Variants in PTPRD observed in about 807,000 individuals in gnomAD.
PTPRD encodes protein tyrosine phosphatase receptor type D.
Under a neutral mutation model 214.5 loss-of-function variants are expected in PTPRD, and 34 were observed. That is an observed-to-expected ratio of 0.16 (90% CI 0.12 to 0.21). The LOEUF (loss-of-function observed/expected upper bound fraction) is 0.21, where lower values mean the gene tolerates loss of function less well. Among genes scored for constraint, PTPRD ranks in the 10% least tolerant of loss-of-function variants. The pLI, the probability that PTPRD is intolerant of heterozygous loss-of-function variation, is 1.00. For missense variants in PTPRD, 2,545 were observed against 2,398.7 expected, an observed-to-expected ratio of 1.06 and a Z score of -1.27; for synonymous variants, 1,128 against 845.7, an observed-to-expected ratio of 1.33 and a Z score of -5.79.
intron 36 of PTPRD, among the ~76,000 whole-genome samples, chr9:8,399,090 A>G (rs1247883519): frequency 2.7e-5 from 2 of 72,882 alleles, no homozygotes; most frequent in Non-Finnish European, 6.4e-5. Flanking sequence ...GAATAAGCCC[A>G]CTAAGCTTTT....
chr9:9,639,291 G>A (rs1025212887), intron 7 of PTPRD, among the ~76,000 whole-genome samples: 4 of 152,142 alleles, frequency 2.6e-5, no homozygotes, highest in Non-Finnish European at 5.9e-5. Flanking sequence ...ATCTAGTTTA[G>A]TGCCTACATT....
chr9:9,612,371 G>A (rs2094560305), intron 7 of PTPRD, among the ~76,000 whole-genome samples: 1 of 152,124 alleles, frequency 6.6e-6, no homozygotes. Flanking sequence ...TTGCTGCTGG[G>A]CATATTTCAA....
intron 9 of PTPRD, among the ~76,000 whole-genome samples, chr9:9,355,149 A>G (rs926411892): frequency 1.4e-4 from 21 of 151,892 alleles, no homozygotes; most frequent in African/African-American, 5.1e-4. Flanking sequence ...TATCACCACA[A>G]TCCAGGTAAT....
intron 9 of PTPRD, among the ~76,000 whole-genome samples, chr9:9,259,629 A>G (rs1341237436): frequency 6.6e-6 from 1 of 151,966 alleles, no homozygotes; most frequent in African/African-American, 2.4e-5. Flanking sequence ...CCCATGGGAA[A>G]GTATCACCTT....
At chr9:8,581,665 G>A (rs1280410762) in intron 14 of PTPRD, among the ~76,000 whole-genome samples, 4 of 151,884 alleles carry the variant, frequency 2.6e-5, no homozygotes, top group Non-Finnish European at 4.4e-5. Flanking sequence ...GGAGAATGGC[G>A]TGAACCCAGA....
At chr9:9,997,285 A>T (rs1204067694) in intron 4 of PTPRD, among the ~76,000 whole-genome samples, 2 of 143,344 alleles carry the variant, frequency 1.4e-5, no homozygotes, top group Admixed American at 6.9e-5. Context: ...AAGATAAGCA[A>T]TTTTTTTTTT....
intron 2 of PTPRD, among the ~76,000 whole-genome samples, chr9:10,601,652 A>C (rs536256088): frequency 1.3e-5 from 2 of 151,934 alleles, no homozygotes; most frequent in East Asian, 3.9e-4. Flanking sequence ...AAAGGAAATA[A>C]AATTATATTA....
chr9:9,132,476 A>G (rs1158982420), intron 10 of PTPRD, among the ~76,000 whole-genome samples: 1 of 152,196 alleles, frequency 6.6e-6, no homozygotes, highest in Non-Finnish European at 1.5e-5. Flanking sequence ...AGAGGAAATT[A>G]TTAAATATTA....
In PTPRD at chr9:9,167,948, G is replaced by A. The variant is rs545428410; in HGVS notation, c.-143+15356C>T. ...AGAAAGCTCCCTCTCACATGCCAAC[G>A]AAAACCTATCTTTCTGTGGGGTCCT... On this transcript the variant is annotated intron_variant, in intron 10 of 45. Transcript: ENST00000381196. Among the ~76,000 whole-genome samples, 121 of 152,202 alleles carry A rather than the reference G, an allele frequency of 7.9e-4. 2 individuals carry two copies. The highest frequency in any genetic ancestry group is 2.5e-3 in the South Asian group (12 of 4,818).
intron 14 of PTPRD, among the ~76,000 whole-genome samples, chr9:8,618,223 G>C (rs1303783189): frequency 6.6e-6 from 1 of 152,046 alleles, no homozygotes; most frequent in Non-Finnish European, 1.5e-5. Context: ...GCACGAGTTT[G>C]GGGCCATAGA....
rs530521650 is a variant in PTPRD, at chr9:9,371,790, C to T, written c.-203+25659G>A. On this transcript the variant is annotated intron_variant, in intron 9 of 45. Transcript: ENST00000381196. Reference sequence around the variant, plus strand: ...CCTCTACACACTGCTTTGAATGTGTCCCAGAGATTCTGGTATGTTGTGTCT... The same window carrying T: ...CCTCTACACACTGCTTTGAATGTGTTCCAGAGATTCTGGTATGTTGTGTCT... Among the ~76,000 whole-genome samples, 983 of 152,224 alleles carry T rather than the reference C, an allele frequency of 6.5e-3. 6 individuals are homozygous for T. The highest frequency in any genetic ancestry group is 0.023 in the African/African-American group (950 of 41,518).
chr9:9,768,571 A>C (rs531088586), intron 5 of PTPRD, among the ~76,000 whole-genome samples: 33 of 152,096 alleles, frequency 2.2e-4, no homozygotes, highest in African/African-American at 7.2e-4. Flanking sequence ...TAAAAATGGC[A>C]GTACTTTTTT....
chr9:10,140,719 A>T (rs1054476532), intron 3 of PTPRD, among the ~76,000 whole-genome samples: 7 of 152,178 alleles, frequency 4.6e-5, no homozygotes, highest in African/African-American at 1.7e-4. Flanking sequence ...ATCAATAGAA[A>T]AAAAAGGGAA....
intron 2 of PTPRD, among the ~76,000 whole-genome samples, chr9:10,358,812 CAT>C (rs1424989095): frequency 6.6e-6 from 1 of 151,970 alleles, no homozygotes. Flanking sequence ...CCACTAAAAT[CAT>C]ATATTTTGAG....
chr9:9,958,857 A>C (rs2154020106), intron 4 of PTPRD, among the ~76,000 whole-genome samples: 1 of 152,274 alleles, frequency 6.6e-6, no homozygotes, highest in South Asian at 2.1e-4. Flanking sequence ...GAAAACTAAA[A>C]ATACTGACAA....
rs1030749223 is a variant in PTPRD, at chr9:9,711,781, G to C, written c.-287+22752C>G. Among the ~76,000 whole-genome samples, 11 of 152,178 alleles carry C rather than the reference G, an allele frequency of 7.2e-5. No individual in the cohort carries two copies. The South Asian group carries it at 2.3e-3, about 32-fold the overall frequency. The stretch of plus-strand genomic sequence containing the variant: ...CATGACCTTAAATGTCAATAGTGCA[G>C]AGACCGAAAAACTCTGCCTTTCAAA... On this transcript the variant is annotated intron_variant, in intron 7 of 45. Coordinates refer to ENST00000381196, the MANE Select transcript of PTPRD (RefSeq NM_002839.4).
At chr9:9,606,777 G>C (rs534897053) in intron 7 of PTPRD, among the ~76,000 whole-genome samples, 1 of 151,640 alleles carries the variant, frequency 6.6e-6, no homozygotes, top group African/African-American at 2.4e-5. Flanking sequence ...GGTAGATAGA[G>C]GTGGACAAAT....
chr9:8,913,404 A>T (rs547472620), intron 11 of PTPRD, among the ~76,000 whole-genome samples: 1 of 152,110 alleles, frequency 6.6e-6, no homozygotes, highest in East Asian at 1.9e-4. Flanking sequence ...AAAGGTAAAA[A>T]CCTACATAAA....
chr9:10,400,249 T>G (rs1437923690), intron 2 of PTPRD, among the ~76,000 whole-genome samples: 1 of 151,808 alleles, frequency 6.6e-6, no homozygotes, highest in African/African-American at 2.4e-5. Context: ...TTGTAAGAAT[T>G]AATTGAGATA....
Sources: gnomAD v4.1 joint callset for allele counts (sites outside exome capture counted in the v4.1 genomes callset) on GRCh38, gnomAD v4.1.1 for gene constraint, MANE v1.5 for transcripts, NCBI Gene and HGNC (gene_info 2026-07-23, HGNC 2026-07-21) for gene names.